Variants in PHF24 observed in about 807,000 individuals in gnomAD.
PHF24 encodes the protein PHD finger protein 24.
A neutral mutation model predicts 42.6 loss-of-function variants in PHF24; 25 were observed. The observed-to-expected ratio is 0.59, with a 90% CI of 0.43 to 0.82. The LOEUF is 0.82. Ranked by LOEUF, PHF24 falls within the 40% of genes least tolerant of loss-of-function variation. The probability of loss-of-function intolerance (pLI) is 0.00; values close to 1 mark genes in which losing one functional copy is unlikely to be tolerated. For synonymous variants in PHF24, 185 were observed against 204.8 expected, an observed-to-expected ratio of 0.90 and a Z score of 0.83; for missense variants, 470 against 538.1, an observed-to-expected ratio of 0.87 and a Z score of 1.25.
chr9:34,832,405 G>A, the PHF24 span: 12 of 1,173,098 alleles, frequency 1.0e-5, no homozygotes, highest in African/African-American at 3.1e-5. Flanking sequence ...GAGTGTAACC[G>A]AAGCTTATTG....
At chr9:34,940,222 T>C in the PHF24 span, among the ~76,000 whole-genome samples, 1 of 152,106 alleles carries the variant, frequency 6.6e-6, no homozygotes, top group Non-Finnish European at 1.5e-5. Flanking sequence ...TTTGAGGGTA[T>C]GCCTGCAGCT....
chr9:34,931,966 C>CT, the PHF24 span, among the ~76,000 whole-genome samples: 1 of 152,146 alleles, frequency 6.6e-6, no homozygotes, highest in South Asian at 2.1e-4. Context: ...GCTTCCAGCT[C>CT]AACCCATAAG....
chr9:34,709,761 C>T, the PHF24 span: 1 of 1,614,198 alleles, frequency 6.2e-7, no homozygotes, highest in South Asian at 1.1e-5. Context: ...GTACCCACCC[C>T]TTTGTGTCCA....
the PHF24 span, among the ~76,000 whole-genome samples, chr9:34,703,187 T>G: frequency 6.6e-6 from 1 of 152,142 alleles, no homozygotes; most frequent in Admixed American, 6.5e-5. Context: ...TAAATTTTTT[T>G]TTTTTGAGAC....
chr9:34,982,494 T>C (rs997357621), exon 8 of PHF24: 2 of 152,254 alleles, frequency 1.3e-5, no homozygotes, highest in African/African-American at 4.8e-5. Flanking sequence ...AAGAAGCTGA[T>C]GCCCTGAGGC....
the PHF24 span, among the ~76,000 whole-genome samples, chr9:34,939,540 A>G: frequency 6.6e-6 from 1 of 152,280 alleles, no homozygotes; most frequent in African/African-American, 2.4e-5. Flanking sequence ...TTCTCAGGCC[A>G]GAGTTGTCTG....
At chr9:34,971,449 T>G (rs1826977468) in exon 2 of PHF24, 1 of 1,613,810 alleles carries the variant, frequency 6.2e-7, no homozygotes, top group Non-Finnish European at 8.5e-7. Flanking sequence ...TGTAGAGGGC[T>G]CCGTCCAGGA....
the PHF24 span, among the ~76,000 whole-genome samples, chr9:34,803,908 C>G: frequency 6.6e-6 from 1 of 152,196 alleles, no homozygotes; most frequent in Non-Finnish European, 1.5e-5. Context: ...TTTCACATAG[C>G]TGCTGGAAGA....
At chr9:34,829,549 A>C in the PHF24 span, among the ~76,000 whole-genome samples, 1 of 152,160 alleles carries the variant, frequency 6.6e-6, no homozygotes, top group East Asian at 1.9e-4. Flanking sequence ...CCCTTCTGGG[A>C]TTCTCCTGAC....
chr9:34,780,048 G>GC, the PHF24 span, among the ~76,000 whole-genome samples: 4 of 151,718 alleles, frequency 2.6e-5, no homozygotes, highest in African/African-American at 9.7e-5. Flanking sequence ...TTTGATGAGG[G>GC]CCCCAAGACC....
At chr9:34,928,646 C>T in the PHF24 span, among the ~76,000 whole-genome samples, 1 of 152,114 alleles carries the variant, frequency 6.6e-6, no homozygotes, top group Non-Finnish European at 1.5e-5. Context: ...ATTGTTCTTC[C>T]CCTCTCCCTT....
At chr9:34,811,668 T>C in the PHF24 span, among the ~76,000 whole-genome samples, 3 of 152,130 alleles carry the variant, frequency 2.0e-5, no homozygotes, top group African/African-American at 7.2e-5. Flanking sequence ...AAGACAAGGC[T>C]AAATAGACTA....
upstream of PHF24, among the ~76,000 whole-genome samples, chr9:34,956,133 T>C (rs1409840391): frequency 6.6e-6 from 1 of 152,220 alleles, no homozygotes; most frequent in Non-Finnish European, 1.5e-5. Context: ...GTATTATGAT[T>C]ATGGTTCTCT....
At chr9:34,968,206 G>A (rs766864065) in intron 1 of PHF24, among the ~76,000 whole-genome samples, 1 of 152,102 alleles carries the variant, frequency 6.6e-6, no homozygotes, top group Non-Finnish European at 1.5e-5. Flanking sequence ...TTTCCGTGTT[G>A]TTTAGTCTTT....
chr9:34,713,635 A>G, the PHF24 span, among the ~76,000 whole-genome samples: 6 of 141,360 alleles, frequency 4.2e-5, no homozygotes, highest in African/African-American at 1.7e-4. Flanking sequence ...GCCATTTTGT[A>G]TGATGTTTTT....
At chr9:34,895,977 G>A in the PHF24 span, among the ~76,000 whole-genome samples, 2 of 152,148 alleles carry the variant, frequency 1.3e-5, no homozygotes, top group Non-Finnish European at 2.9e-5. Context: ...AGAGCCTGGG[G>A]CAAAAGATGC....
the PHF24 span, among the ~76,000 whole-genome samples, chr9:34,865,332 G>C: frequency 6.6e-6 from 1 of 151,866 alleles, no homozygotes; most frequent in East Asian, 1.9e-4. Context: ...GGGAGGCCAA[G>C]GTGGGCGGAT....
At chr9:34,890,258 T>A in the PHF24 span, among the ~76,000 whole-genome samples, 128 of 152,336 alleles carry the variant, frequency 8.4e-4, no homozygotes, top group Non-Finnish European at 1.4e-3. Flanking sequence ...AGAGCTCCAG[T>A]GCTGTCCAGA....
chr9:34,850,066 G>A, the PHF24 span, among the ~76,000 whole-genome samples: 1 of 152,188 alleles, frequency 6.6e-6, no homozygotes, highest in Non-Finnish European at 1.5e-5. Context: ...TGGTGAATCT[G>A]ACAATTATAT....
Sources: allele counts gnomAD v4.1 joint callset (sites outside exome capture counted in the v4.1 genomes callset), GRCh38; gene constraint gnomAD v4.1.1; transcripts MANE v1.5; gene names NCBI Gene and HGNC (gene_info 2026-07-23, HGNC 2026-07-21).